RELL1: variants seen among roughly 807,000 people sequenced by gnomAD.
The protein encoded by RELL1 is RELT-like protein 1.
A neutral mutation model predicts 23.0 loss-of-function variants in RELL1; 10 were observed. The observed-to-expected ratio is 0.43, with a 90% CI of 0.27 to 0.74. The LOEUF (loss-of-function observed/expected upper bound fraction) is 0.74. RELL1 is among the 30% of genes least tolerant of loss of function. The pLI, the probability that RELL1 is intolerant of heterozygous loss-of-function variation, is 0.19. For missense variants in RELL1, 315 were observed against 364.4 expected (o/e 0.86, Z 1.10); for synonymous variants, 146 against 146.8 (o/e 0.99, Z 0.04).
At chr4:37,587,546 T>A (rs1222644561), downstream of RELL1, among the ~76,000 whole-genome samples, 1 of 152,158 alleles carries the variant, frequency 6.6e-6, no homozygotes, top group African/African-American at 2.4e-5. Context: ...CACCTATGAT[T>A]GAAAGAAGGA....
At chr4:37,623,802 C>T (rs1417126797) in intron 6 of RELL1, among the ~76,000 whole-genome samples, 1 of 152,204 alleles carries the variant, frequency 6.6e-6, no homozygotes, top group Non-Finnish European at 1.5e-5. Context: ...ACTTTAGGTG[C>T]AGTTTCTTTT....
At chr4:37,675,012 T>C (rs1721976015) in intron 1 of RELL1, among the ~76,000 whole-genome samples, 1 of 152,240 alleles carries the variant, frequency 6.6e-6, no homozygotes, top group African/African-American at 2.4e-5. Flanking sequence ...GAAATTGAAA[T>C]TGATATGTTG....
intron 1 of RELL1, among the ~76,000 whole-genome samples, chr4:37,679,264 C>T (rs925124967): frequency 2.6e-5 from 4 of 152,134 alleles, no homozygotes; most frequent in African/African-American, 9.7e-5. Flanking sequence ...CTAATTGGCA[C>T]CCATTCATAA....
chr4:37,645,823 C>G (rs1009636229), intron 3 of RELL1, among the ~76,000 whole-genome samples: 5 of 152,208 alleles, frequency 3.3e-5, no homozygotes, highest in Non-Finnish European at 7.3e-5. Flanking sequence ...ATTCTAAAAA[C>G]AGCAATGAAA....
downstream of RELL1, among the ~76,000 whole-genome samples, chr4:37,605,847 GA>G (rs375054309): frequency 0.16 from 16,594 of 102,908 alleles, 1,874 homozygotes; most frequent in Non-Finnish European, 0.26. Context: ...AAGAAAGAAG[GA>G]AAAGAAAAGA....
At chr4:37,613,681 G>T (rs971777543) in intron 6 of RELL1, among the ~76,000 whole-genome samples, 61 of 152,256 alleles carry the variant, frequency 4.0e-4, no homozygotes, top group African/African-American at 1.4e-3. Context: ...TTCACTGGAA[G>T]TCTCTACTGA....
At chr4:37,649,184 T>C (rs1397791212) in intron 2 of RELL1, 92 bp downstream of exon 2, 14 of 1,042,730 alleles carry the variant, frequency 1.3e-5, no homozygotes, top group Non-Finnish European at 1.7e-5. Flanking sequence ...AAATGGATCA[T>C]TCTGCCTCAG....
chr4:37,605,893 A>C, downstream of RELL1, among the ~76,000 whole-genome samples: 1 of 122,790 alleles, frequency 8.1e-6, no homozygotes, highest in Non-Finnish European at 1.9e-5. Flanking sequence ...AAGAAAGAGA[A>C]AGAAAGGAAG....
chr4:37,598,232 A>G, intron 6 of RELL1, among the ~76,000 whole-genome samples: 1 of 139,058 alleles, frequency 7.2e-6, no homozygotes, highest in Non-Finnish European at 1.5e-5. Flanking sequence ...TGTTCTGGGA[A>G]ACAAAGTGCA....
intron 2 of RELL1, 34 bp from the exon 3 acceptor site, chr4:37,647,473 C>A: frequency 6.9e-7 from 1 of 1,441,830 alleles, no homozygotes; most frequent in Non-Finnish European, 9.8e-7. Context: ...GAACAGGTTA[C>A]AATTGGTCAC....
At chr4:37,627,104 A>C (rs2109252352) in intron 6 of RELL1, among the ~76,000 whole-genome samples, 1 of 152,378 alleles carries the variant, frequency 6.6e-6, no homozygotes, top group East Asian at 1.9e-4. Context: ...CAGTGTACAC[A>C]CATTTGAAAA....
Position 37,611,216 on chromosome 4 carries a change from CTTAT to C in RELL1, c.*2126_*2129del, listed in dbSNP as rs1218204935. Among the ~76,000 whole-genome samples the C allele has an allele frequency of 1.1e-4, 16 of 152,186 alleles. No homozygotes were observed. Among genetic ancestry groups the C allele is most frequent in the South Asian group, 4.1e-4 (2 of 4,824 alleles). On this transcript the variant is annotated 3_prime_UTR_variant, in exon 7 of 7. Coordinates refer to ENST00000454158, the MANE Select transcript of RELL1 (RefSeq NM_001085400.2). ...CATATTTTTAAAGCAAAAAAGTATGCTTATTTGTTTTTAATTAAAATGATTAGCC... is the reference window on the plus strand; with the variant it reads ...CATATTTTTAAAGCAAAAAAGTATGCTTGTTTTTAATTAAAATGATTAGCC...
intron 1 of RELL1, among the ~76,000 whole-genome samples, chr4:37,669,088 C>T (rs1398780037): frequency 2.2e-4 from 29 of 133,862 alleles, no homozygotes; most frequent in Admixed American, 9.2e-4. Context: ...CCAGCCGCCC[C>T]GTCTGGGAGG....
chr4:37,599,055 A>C (rs1398293463), intron 6 of RELL1, among the ~76,000 whole-genome samples: 2 of 152,190 alleles, frequency 1.3e-5, no homozygotes, highest in African/African-American at 4.8e-5. Context: ...TTAGACAAAG[A>C]TAAGGGCTGA....
At position 37,626,281 on chromosome 4, in the gene RELL1, C is replaced by T. The variant is rs1162200348; in HGVS notation, c.*3+5104G>A. ...TCACTTGAGATCAGGAGTTCAAGATCAGCCTGGCCAACATGATGAAACCCT... is the reference window on the plus strand; with the variant it reads ...TCACTTGAGATCAGGAGTTCAAGATTAGCCTGGCCAACATGATGAAACCCT... On this transcript the variant is annotated intron_variant, in intron 6 of 6. Coordinates refer to ENST00000454158, the MANE Select transcript of RELL1 (RefSeq NM_001085400.2). 2.6e-5 allele frequency among the ~76,000 whole-genome samples: 4 copies of T among 152,106 alleles called. No individual in the cohort carries two copies. In the East Asian group the frequency reaches 7.7e-4, roughly 29 times the overall value.
chr4:37,672,161 CA>C (rs985750507), intron 1 of RELL1, among the ~76,000 whole-genome samples: 1 of 152,094 alleles, frequency 6.6e-6, no homozygotes, highest in Non-Finnish European at 1.5e-5. Flanking sequence ...TGAGTGAACC[CA>C]ATCTCCAGCC....
chr4:37,600,269 C>CAAA (rs33929317), intron 6 of RELL1, among the ~76,000 whole-genome samples: 12 of 111,404 alleles, frequency 1.1e-4, no homozygotes, highest in African/African-American at 3.5e-4. Flanking sequence ...GACTCCATCT[C>CAAA]AAAAAAAAAA....
Position 37,631,392 on chromosome 4 carries a change from T to C in RELL1, c.812A>G (p.Glu271Gly). The change falls in exon 6 of 7, where the codon GAG becomes GGG. Residue 271 changes from glutamate to glycine, a missense_variant. By Grantham distance (98) the Glu-to-Gly change is moderately conservative (BLOSUM62 -2). Transcript: ENST00000454158. ...TPVKRERSGT[E>G] ...ACCAAAACCACGGCTCACCTGCTAC[T>C]CTGTGCCACTGCGTTCTCTCTTCAC... 6.2e-7 allele frequency: 1 copy of C among 1,613,446 alleles called. No individual in the cohort carries two copies. Among genetic ancestry groups the C allele is most frequent in the Non-Finnish European group, 8.5e-7 (1 of 1,179,698 alleles).
At chr4:37,632,240 C>T (rs1197524159) in intron 5 of RELL1, among the ~76,000 whole-genome samples, 3 of 151,608 alleles carry the variant, frequency 2.0e-5, no homozygotes, top group East Asian at 2.0e-4. Flanking sequence ...GGTACAATCT[C>T]GGCTCACTGC....
Sources: allele counts gnomAD v4.1 joint callset (sites outside exome capture counted in the v4.1 genomes callset), GRCh38; gene constraint gnomAD v4.1.1; transcripts MANE v1.5; gene names NCBI Gene and HGNC (gene_info 2026-07-23, HGNC 2026-07-21).